Variants in ANO4 observed in about 807,000 individuals in gnomAD.
The protein encoded by ANO4 is anoctamin 4.
In ANO4, 69 loss-of-function variants were observed where a neutral mutation model predicts 141.9. That is an observed-to-expected ratio of 0.49 (90% confidence interval 0.40 to 0.59). ANO4 has a LOEUF of 0.59. Ranked by LOEUF, ANO4 falls within the 20% of genes least tolerant of loss-of-function variation. The pLI, the probability that ANO4 is intolerant of heterozygous loss-of-function variation, is 0.00. For synonymous variants in ANO4, 350 were observed against 394.3 expected (o/e 0.89, Z 1.33); for missense variants, 894 against 1,162.2 (o/e 0.77, Z 3.36).
intron 3 of ANO4, among the ~76,000 whole-genome samples, chr12:100,746,446 C>T (rs2032112020): frequency 9.7e-6 from 1 of 102,680 alleles, no homozygotes. Flanking sequence ...AAGTGAGACT[C>T]TGTTATTAAA....
Position 100,942,550 on chromosome 12 carries a change from T to G in ANO4, c.456+15T>G, listed in dbSNP as rs373665251. 2 of 1,608,122 alleles carry G rather than the reference T, an allele frequency of 1.2e-6. No homozygotes were observed. The highest frequency in any genetic ancestry group is 2.7e-5 in the African/African-American group (2 of 74,456). Reference sequence around the variant, plus strand: ...TGGAGAAAGAGGTAAATAGTTTGCTTGGATGAGAAAAAAATATATACATAT... The same window carrying G: ...TGGAGAAAGAGGTAAATAGTTTGCTGGGATGAGAAAAAAATATATACATAT... On this transcript the variant is annotated intron_variant, in intron 5 of 27. Coordinates refer to ENST00000392977, the MANE Select transcript of ANO4 (RefSeq NM_001286615.2).
chr12:100,779,000 T>G (rs940638507), intron 3 of ANO4, among the ~76,000 whole-genome samples: 1 of 151,938 alleles, frequency 6.6e-6, no homozygotes, highest in African/African-American at 2.4e-5. Flanking sequence ...TATACTTGTG[T>G]TTGAGATTTT....
intron 1 of ANO4, among the ~76,000 whole-genome samples, chr12:100,820,284 TC>T (rs2035968320): frequency 1.3e-5 from 2 of 150,658 alleles, no homozygotes; most frequent in South Asian, 4.2e-4. Flanking sequence ...GTAAACTCTT[TC>T]AAACAGTTAA....
In ANO4 at chr12:101,088,890, A is replaced by AT. The variant is rs1252538638; in HGVS notation, c.1701+2068dup. On this transcript the variant is annotated intron_variant, in intron 17 of 27. Transcript: ENST00000392977. ...GTAACAGAGCAAGGACCTGTAAAAA[A>AT]TTAAAAAAATTTTAAAAGCTGACCT... is the stretch of plus-strand genomic sequence containing the variant. Among the ~76,000 whole-genome samples the AT allele has an allele frequency of 8.4e-5, 12 of 143,372 alleles. No individual in the cohort carries two copies. In the East Asian group the frequency reaches 1.1e-3, roughly 13 times the overall value. 94.1% of individuals were successfully genotyped at this position (143,372 alleles called of 152,430 possible).
chr12:100,859,144 G>A (rs907512594), intron 1 of ANO4: 1 of 152,144 alleles, frequency 6.6e-6, no homozygotes, highest in African/African-American at 2.4e-5. Context: ...CTATAGTACA[G>A]TATCGTTCCG....
intron 3 of ANO4, among the ~76,000 whole-genome samples, chr12:100,779,622 G>T (rs1235032413): frequency 6.6e-6 from 1 of 152,144 alleles, no homozygotes; most frequent in Non-Finnish European, 1.5e-5. Flanking sequence ...CAGTCACACT[G>T]TGTGGCTCTC....
At chr12:101,102,700 A>C (rs1190118031) in intron 22 of ANO4, among the ~76,000 whole-genome samples, 1 of 152,092 alleles carries the variant, frequency 6.6e-6, no homozygotes, top group Non-Finnish European at 1.5e-5. Flanking sequence ...TTTCAGCTTC[A>C]TTCTTCTTCA....
chr12:100,755,994 G>T (rs537589028), intron 3 of ANO4, among the ~76,000 whole-genome samples: 1 of 152,106 alleles, frequency 6.6e-6, no homozygotes, highest in Non-Finnish European at 1.5e-5. Context: ...AAATAAAGTA[G>T]TTTTCCTTCT....
chr12:101,068,305 G>A (rs1182044756), intron 14 of ANO4: 15 of 1,345,154 alleles, frequency 1.1e-5, no homozygotes, highest in East Asian at 4.7e-5. Flanking sequence ...CTGCTCCTAC[G>A]AAGGCTGACT....
At chr12:101,054,102 C>G (rs2047993031) in intron 14 of ANO4, among the ~76,000 whole-genome samples, 1 of 152,188 alleles carries the variant, frequency 6.6e-6, no homozygotes, top group South Asian at 2.1e-4. Flanking sequence ...AAAATGTTTT[C>G]CTAGCTTTAG....
At chr12:100,973,962 A>G (rs537998916) in intron 6 of ANO4, among the ~76,000 whole-genome samples, 2 of 152,226 alleles carry the variant, frequency 1.3e-5, no homozygotes, top group East Asian at 1.9e-4. Context: ...AATTGGTGAT[A>G]TATAAACTTA....
chr12:101,003,541 A>G (rs1209464220), intron 8 of ANO4, among the ~76,000 whole-genome samples: 1 of 152,226 alleles, frequency 6.6e-6, no homozygotes, highest in Non-Finnish European at 1.5e-5. Flanking sequence ...AATTGGGACT[A>G]ATAAGACAGT....
At chr12:100,863,428 A>G (rs1593554533) in intron 1 of ANO4, among the ~76,000 whole-genome samples, 1 of 152,200 alleles carries the variant, frequency 6.6e-6, no homozygotes, top group Non-Finnish European at 1.5e-5. Flanking sequence ...AACTCTAACT[A>G]GGAAGCCTCT....
rs183972240 is a variant in ANO4, at chr12:101,098,755, A to G, written c.2006+810A>G. On this transcript the variant is annotated intron_variant, in intron 21 of 27. Coordinates refer to ENST00000392977, the MANE Select transcript of ANO4 (RefSeq NM_001286615.2). ...AGATATAAATCACAATTAAAATGTC[A>G]TAGACATCAAGAGAATTATATTTTA... Among the ~76,000 whole-genome samples the G allele has an allele frequency of 2.9e-3, 439 of 152,346 alleles. 2 individuals are homozygous for G. The highest frequency in any genetic ancestry group is 9.8e-3 in the African/African-American group (406 of 41,578).
chr12:100,997,123 C>T (rs993769786), intron 8 of ANO4, among the ~76,000 whole-genome samples: 10 of 152,028 alleles, frequency 6.6e-5, no homozygotes, highest in Non-Finnish European at 1.2e-4. Context: ...ATCACGAGGT[C>T]AGCAGTTTGA....
intron 1 of ANO4, among the ~76,000 whole-genome samples, chr12:100,826,287 A>C (rs2036333928): frequency 1.9e-5 from 1 of 51,846 alleles, no homozygotes; most frequent in Non-Finnish European, 3.8e-5. Flanking sequence ...TGAAGATGGA[A>C]TTGAGAAAAA....
chr12:100,883,096 A>G (rs75352834), intron 1 of ANO4, among the ~76,000 whole-genome samples: 2 of 152,290 alleles, frequency 1.3e-5, no homozygotes, highest in East Asian at 1.9e-4. Flanking sequence ...GTATCTTGCC[A>G]TGTCTTATAA....
chr12:101,057,565 A>G (rs1012873524), intron 14 of ANO4, among the ~76,000 whole-genome samples: 31 of 152,298 alleles, frequency 2.0e-4, no homozygotes, highest in Admixed American at 1.4e-3. Context: ...TCTAACTGGC[A>G]TGAGATGGTA....
chr12:100,837,319 A>G (rs1312353775), intron 1 of ANO4, among the ~76,000 whole-genome samples: 2 of 152,168 alleles, frequency 1.3e-5, no homozygotes, highest in African/African-American at 2.4e-5. Flanking sequence ...TTTGGCAGAT[A>G]AGGAAACCAA....
Sources: gnomAD v4.1 joint callset for allele counts (sites outside exome capture counted in the v4.1 genomes callset) on GRCh38, gnomAD v4.1.1 for gene constraint, MANE v1.5 for transcripts, NCBI Gene and HGNC (gene_info 2026-07-23, HGNC 2026-07-21) for gene names.